ARHGAP21: variants seen among roughly 807,000 people sequenced by gnomAD.
ARHGAP21 encodes the protein rho GTPase-activating protein 21.
A neutral mutation model predicts 164.6 loss-of-function variants in ARHGAP21; 38 were observed. That is an observed-to-expected ratio of 0.23 (90% CI 0.18 to 0.30). ARHGAP21 has a LOEUF of 0.30. Ranked by LOEUF, ARHGAP21 falls within the 10% of genes least tolerant of loss-of-function variation. The pLI is 1.00. For missense variants in ARHGAP21, 1,822 were observed against 2,370.7 expected, an observed-to-expected ratio of 0.77 and a Z score of 4.81; for synonymous variants, 766 against 857.9, an observed-to-expected ratio of 0.89 and a Z score of 1.87.
intron 2 of ARHGAP21, among the ~76,000 whole-genome samples, chr10:24,696,339 C>A (rs367734506): frequency 6.6e-6 from 1 of 152,166 alleles, no homozygotes; most frequent in African/African-American, 2.4e-5. Context: ...TCCTCCCCGA[C>A]CCCAGTCTTC....
Position 24,591,637 on chromosome 10 carries a change from C to T in ARHGAP21, c.4044+5G>A. 1 of 1,613,954 alleles carries T rather than the reference C, an allele frequency of 6.2e-7. No homozygotes were observed. Among genetic ancestry groups the T allele is most frequent in the Non-Finnish European group, 8.5e-7 (1 of 1,179,858 alleles). ...TGAGTACAAATGCTGACAGACAATACTTACAAGAGGCTCTTCAGCACCTTC... is the reference window on the plus strand; with the variant it reads ...TGAGTACAAATGCTGACAGACAATATTTACAAGAGGCTCTTCAGCACCTTC... On this transcript the variant is annotated splice_donor_5th_base_variant and intron_variant, in intron 23 of 25. Transcript: ENST00000396432.
intron 2 of ARHGAP21, among the ~76,000 whole-genome samples, chr10:24,703,967 G>T (rs1843960534): frequency 6.6e-6 from 1 of 152,174 alleles, no homozygotes; most frequent in African/African-American, 2.4e-5. Flanking sequence ...CCTTGAATTA[G>T]TCATCAACAT....
At chr10:24,659,185 G>A (rs1839416013) in intron 4 of ARHGAP21, among the ~76,000 whole-genome samples, 1 of 152,140 alleles carries the variant, frequency 6.6e-6, no homozygotes, top group African/African-American at 2.4e-5. Context: ...TCTATTCCTA[G>A]GTATAACCTC....
intron 1 of ARHGAP21, chr10:24,723,179 G>A (rs1024968471): frequency 6.6e-6 from 1 of 150,950 alleles, no homozygotes; most frequent in Non-Finnish European, 1.5e-5. Context: ...CTCGGGCCCG[G>A]CGGCCGAAGC....
intron 14 of ARHGAP21, among the ~76,000 whole-genome samples, chr10:24,598,517 T>G (rs970328974): frequency 1.6e-4 from 24 of 152,068 alleles, no homozygotes; most frequent in Non-Finnish European, 3.1e-4. Flanking sequence ...GGCAGTTACA[T>G]TATCAGAAGA....
intron 14 of ARHGAP21, among the ~76,000 whole-genome samples, chr10:24,599,052 A>G (rs1041841595): frequency 2.0e-5 from 3 of 152,202 alleles, no homozygotes; most frequent in African/African-American, 7.2e-5. Context: ...CATCTATAAA[A>G]CTGGGGAAAA....
intron 11 of ARHGAP21, among the ~76,000 whole-genome samples, chr10:24,604,814 G>C (rs190755878): frequency 8.5e-4 from 129 of 152,262 alleles, no homozygotes; most frequent in African/African-American, 3.1e-3. Flanking sequence ...GGAGGGCACA[G>C]TTACAGACAG....
chr10:24,693,391 C>T (rs1432878040), intron 2 of ARHGAP21, among the ~76,000 whole-genome samples: 2 of 151,696 alleles, frequency 1.3e-5, no homozygotes, highest in Non-Finnish European at 2.9e-5. Context: ...TTGCCCAAGG[C>T]TAGAGTGCAA....
intron 2 of ARHGAP21, among the ~76,000 whole-genome samples, chr10:24,703,126 C>G (rs994414742): frequency 6.6e-6 from 1 of 151,946 alleles, no homozygotes; most frequent in South Asian, 2.1e-4. Context: ...CACACACAAA[C>G]TAGACACACT....
chr10:24,689,910 GTATATATGTA>G (rs1842586524), intron 2 of ARHGAP21, among the ~76,000 whole-genome samples: 1 of 37,646 alleles, frequency 2.7e-5, no homozygotes, highest in Non-Finnish European at 6.1e-5. Flanking sequence ...ATATATACAT[GTATATATGTA>G]TATGTATGTA....
intron 4 of ARHGAP21, among the ~76,000 whole-genome samples, chr10:24,661,005 G>C (rs910835935): frequency 1.3e-5 from 2 of 151,908 alleles, no homozygotes; most frequent in Admixed American, 6.6e-5. Flanking sequence ...AAGGCCATCT[G>C]ACCAGTCCCA....
chr10:24,644,418 A>G (rs534702847), intron 4 of ARHGAP21, among the ~76,000 whole-genome samples: 2 of 152,160 alleles, frequency 1.3e-5, no homozygotes, highest in South Asian at 4.2e-4. Flanking sequence ...ATTAACAAAT[A>G]CCTCCTTGGG....
In ARHGAP21 at chr10:24,596,781, C is replaced by T; in HGVS notation, c.3436G>A (p.Gly1146Ser). ...GGTGGGCAGTCATCTAGTCGGACGC[C>T]GAAAGTTCCTGTAGCAGTTGGCTTT... Reference protein sequence around the residue: ...EKKPTATGTFGVRLDDCPPAH... With the variant: ...EKKPTATGTFSVRLDDCPPAH... Residue 1146 changes from glycine to serine, a missense_variant, in exon 17 of 26, where the codon GGC becomes AGC. Gly to Ser is a moderately conservative substitution (Grantham distance 56, BLOSUM62 0). Coordinates refer to ENST00000396432, the MANE Select transcript of ARHGAP21 (RefSeq NM_020824.4). The T allele has an allele frequency of 2.5e-6, 4 of 1,612,766 alleles. No individual in the cohort carries two copies. The highest frequency in any genetic ancestry group is 1.1e-5 in the South Asian group (1 of 90,724).
Position 24,595,998 on chromosome 10 carries a change from T to C in ARHGAP21, c.3523A>G (p.Arg1175Gly). 1 of 1,610,056 alleles carries C rather than the reference T, an allele frequency of 6.2e-7. No homozygotes were observed. The highest frequency in any genetic ancestry group is 1.3e-5 in the African/African-American group (1 of 74,928). Residue 1175 changes from arginine (R) to glycine (G), a missense_variant, in exon 18 of 26, where the codon AGA (arginine) becomes GGA (glycine). Physicochemically the swap from Arg to Gly is moderately radical, Grantham distance 125. Around this residue, in one of 5 missense-constraint regions of ARHGAP21, gnomAD observed 117 missense variants for 238.1 expected, o/e 0.49. Coordinates refer to ENST00000396432, the MANE Select transcript of ARHGAP21 (RefSeq NM_020824.4). ...TAAATACCTGTATATTCAAGACCTC[T>C]TTCTTCAACTAATTTGCAACATATG... ...VDICCKLVEE[R>G]GLEYTGIYRV...
At chr10:24,719,625 C>T (rs941893525) in intron 2 of ARHGAP21, among the ~76,000 whole-genome samples, 1 of 152,168 alleles carries the variant, frequency 6.6e-6, no homozygotes, top group Non-Finnish European at 1.5e-5. Context: ...TATCCAAACA[C>T]ATTATTGATT....
chr10:24,674,193 C>T (rs998876751), intron 2 of ARHGAP21, among the ~76,000 whole-genome samples: 1 of 151,666 alleles, frequency 6.6e-6, no homozygotes, highest in African/African-American at 2.4e-5. Flanking sequence ...GAGTTTGAGA[C>T]CTGCCTGGGC....
intron 2 of ARHGAP21, among the ~76,000 whole-genome samples, chr10:24,676,465 A>G (rs1318706123): frequency 2.6e-5 from 4 of 152,202 alleles, no homozygotes; most frequent in African/African-American, 7.2e-5. Context: ...ATTCTCGCTT[A>G]TAAGTGGGAG....
chr10:24,659,174 C>G (rs776939896), intron 4 of ARHGAP21, among the ~76,000 whole-genome samples: 12 of 152,214 alleles, frequency 7.9e-5, no homozygotes, highest in Non-Finnish European at 1.5e-4. Context: ...GACCTAGCAA[C>G]TCTATTCCTA....
intron 14 of ARHGAP21, among the ~76,000 whole-genome samples, chr10:24,599,177 C>T (rs752207633): frequency 5.3e-5 from 8 of 152,230 alleles, no homozygotes; most frequent in Non-Finnish European, 8.8e-5. Context: ...ATCCTCCAAA[C>T]AGCCACTATG....
Sources: gnomAD v4.1 joint callset for allele counts (sites outside exome capture counted in the v4.1 genomes callset) on GRCh38, gnomAD v4.1.1 for gene constraint, gnomAD v4.1.1 regional missense constraint, MANE v1.5 for transcripts, NCBI Gene and HGNC (gene_info 2026-07-23, HGNC 2026-07-21) for gene names.